MED22: variants seen among roughly 807,000 people sequenced by gnomAD.
The protein encoded by MED22 is mediator complex subunit 22, also known as mediator of RNA polymerase II transcription subunit 22.
MED22 carries 22 observed loss-of-function variants against 22.7 expected under a neutral mutation model. That is an observed-to-expected ratio of 0.97 (90% CI 0.69 to 1.38). The LOEUF is 1.38. MED22 is among the 40% of genes most tolerant of loss of function. MED22 has a pLI of 0.00. For synonymous variants in MED22, 134 were observed against 119.4 expected (o/e 1.12, Z -0.80); for missense variants, 247 against 263.0 (o/e 0.94, Z 0.42).
rs942293048 is a variant in MED22 at position 133,348,082 on chromosome 9, C to T, written c.-199G>A. 1.9e-6 allele frequency: 2 copies of T among 1,026,258 alleles called. No individual in the cohort carries two copies. Among genetic ancestry groups the T allele is most frequent in the Non-Finnish European group, 3.0e-6 (2 of 670,094 alleles). The allele number at this position is 1,026,258 out of a possible 1,614,324, so 63.6% of individuals were successfully genotyped here. On this transcript the variant is annotated 5_prime_UTR_variant, in exon 1 of 5. Transcript: ENST00000343730. ...CCGCGCCGCGGTCCGAAAACCTAGT[C>T]AGCCGCCGCAGCCTCTCGGCCCCGC...
chr9:133,342,354 C>T (rs1260450778), intron 4 of MED22: 9 of 986,126 alleles, frequency 9.1e-6, no homozygotes, highest in Non-Finnish European at 9.6e-6. Flanking sequence ...TTCTAACCTG[C>T]AGGCAGGGGC....
Position 133,339,581 on chromosome 9 carries a change from C to CA in MED22, c.*1923dup. Reference sequence around the variant, plus strand: ...ATACAGCTAGATACCAGAGGATATGCAATCATCATCCATTCTGGTTGTGGT... The same window carrying CA: ...ATACAGCTAGATACCAGAGGATATGCAAATCATCATCCATTCTGGTTGTGGT... On this transcript the variant is annotated 3_prime_UTR_variant, in exon 5 of 5. Coordinates refer to ENST00000343730, the MANE Select transcript of MED22 (RefSeq NM_133640.5). The CA allele has an allele frequency of 2.2e-6, 1 of 459,862 alleles. No homozygotes were observed. Among genetic ancestry groups the CA allele is most frequent in the Non-Finnish European group, 3.9e-6 (1 of 253,754 alleles). The allele number at this position is 459,862 out of a possible 1,614,324, so 28.5% of individuals were successfully genotyped here.
chr9:133,342,404 CCTTG>C, intron 4 of MED22: 1 of 986,078 alleles, frequency 1.0e-6, no homozygotes, highest in Non-Finnish European at 1.2e-6. Flanking sequence ...TGGCTTCCTC[CCTTG>C]CTCCTGCCCT....
intron 4 of MED22, 189 bp downstream of exon 4, chr9:133,343,936 G>A: frequency 6.9e-7 from 1 of 1,444,404 alleles, no homozygotes; most frequent in Non-Finnish European, 9.1e-7. Context: ...AAGGCCCAGG[G>A]CCCTGGCATA....
At chr9:133,341,864 A>G (rs1836016237) in intron 4 of MED22, 170 bp from the exon 5 acceptor site, 3 of 1,390,340 alleles carry the variant, frequency 2.2e-6, no homozygotes, top group East Asian at 3.0e-5. Context: ...CAGGCCTGGC[A>G]AGGAGAGGCG....
At chr9:133,345,523 A>C (rs954587517) in intron 2 of MED22, among the ~76,000 whole-genome samples, 1 of 152,240 alleles carries the variant, frequency 6.6e-6, no homozygotes, top group Non-Finnish European at 1.5e-5. Flanking sequence ...TACTAGGTGC[A>C]GGGATGGGGG....
At chr9:133,346,168 C>T (rs1836173077) in intron 2 of MED22, among the ~76,000 whole-genome samples, 1 of 152,178 alleles carries the variant, frequency 6.6e-6, no homozygotes, top group Admixed American at 6.5e-5. Flanking sequence ...GCTTGCAGGC[C>T]CCAGTGCTGA....
chr9:133,345,550 C>CT (rs1470736871), intron 2 of MED22, among the ~76,000 whole-genome samples: 1 of 152,222 alleles, frequency 6.6e-6, no homozygotes, highest in Non-Finnish European at 1.5e-5. Context: ...TTGGCCCGGT[C>CT]TTTTTGGGCT....
chr9:133,339,266 GCA>G lies in MED22; in HGVS notation c.*2237_*2238del, dbSNP rs1835955990. ...CCAAGAGAATGAATGTGCATATTCA[GCA>G]CACTAAGCACTCTAAGAGCCGAGAG... On this transcript the variant is annotated 3_prime_UTR_variant, in exon 5 of 5. Coordinates refer to ENST00000343730, the MANE Select transcript of MED22 (RefSeq NM_133640.5). 1 of 672,432 alleles carries G rather than the reference GCA, an allele frequency of 1.5e-6. No individual in the cohort carries two copies. Among genetic ancestry groups the G allele is most frequent in the Admixed American group, 1.9e-5 (1 of 52,484 alleles). 41.7% of individuals were successfully genotyped at this position (672,432 alleles called of 1,614,324 possible). A position where few individuals can be genotyped will look rare whatever the true frequency, so the allele number is the denominator to read the frequency against.
chr9:133,344,017 C>T, intron 4 of MED22, 108 bp downstream of exon 4: 1 of 1,540,852 alleles, frequency 6.5e-7, no homozygotes, highest in Non-Finnish European at 8.7e-7. Flanking sequence ...CATGGCTCCA[C>T]TGCTAAGACC....
intron 4 of MED22, chr9:133,342,115 G>A (rs1247694239): frequency 3.9e-6 from 4 of 1,029,330 alleles, no homozygotes; most frequent in Non-Finnish European, 4.7e-6. Context: ...GCTCTCTGAG[G>A]GCAGACTGTG....
At chr9:133,342,381 C>A (rs995297579) in intron 4 of MED22, 1 of 986,140 alleles carries the variant, frequency 1.0e-6, no homozygotes. Flanking sequence ...TTTCCCGCGG[C>A]CTGCCTCGCC....
Position 133,343,966 on chromosome 9 carries a change from G to A in MED22, c.413+159C>T, listed in dbSNP as rs187281880. ...GGCATATGGATGTGAATTGTCTGTC[G>A]GTCAAACGCTCTGGCCAGGAGCTCT... is the stretch of plus-strand genomic sequence containing the variant. On this transcript the variant is annotated intron_variant, in intron 4 of 4. Transcript: ENST00000343730. The A allele has an allele frequency of 4.9e-4, 713 of 1,457,352 alleles. 6 individuals carry two copies. In the South Asian group the frequency reaches 6.8e-3, roughly 14 times the overall value. 90.3% of individuals were successfully genotyped at this position (1,457,352 alleles called of 1,614,324 possible). A position where few individuals can be genotyped will look rare whatever the true frequency, so the allele number is the denominator to read the frequency against.
At chr9:133,345,039 A>G in intron 3 of MED22, 133 bp downstream of exon 3, 2 of 791,686 alleles carry the variant, frequency 2.5e-6, no homozygotes, top group East Asian at 2.6e-5. Context: ...GCATCTCTAC[A>G]TTTGCCTCCT....
chr9:133,342,003 C>A (rs2129951823), intron 4 of MED22: 15 of 1,161,262 alleles, frequency 1.3e-5, no homozygotes, highest in Non-Finnish European at 1.6e-5. Context: ...GCCTATGCCT[C>A]CCAGCTGGTG....
chr9:133,342,935 CGGT>C, intron 4 of MED22: 1 of 985,690 alleles, frequency 1.0e-6, no homozygotes, highest in Non-Finnish European at 1.2e-6. Context: ...CCCTCAGGGA[CGGT>C]GGCTGCCTCA....
At position 133,343,826 on chromosome 9, in the gene MED22, A is replaced by C. The variant is rs2129958107; in HGVS notation, c.413+299T>G. ...CTGCCCGAGGAGGAAGGCTCTCGGA[A>C]GAGGGCCTGCGGGGGATACAGCCAG... On this transcript the variant is annotated intron_variant, in intron 4 of 4. Coordinates refer to ENST00000343730, the MANE Select transcript of MED22 (RefSeq NM_133640.5). 29 of 1,405,156 alleles carry C rather than the reference A, an allele frequency of 2.1e-5. No individual in the cohort carries two copies. The East Asian group carries it at 5.8e-4, about 28-fold the overall frequency. 87.0% of individuals were successfully genotyped at this position (1,405,156 alleles called of 1,614,324 possible).
chr9:133,346,684 G>A lies in MED22; in HGVS notation c.-22C>T. 1 of 1,608,822 alleles carries A rather than the reference G, an allele frequency of 6.2e-7. No individual in the cohort carries two copies. The highest frequency in any genetic ancestry group is 8.5e-7 in the Non-Finnish European group (1 of 1,179,704). On this transcript the variant is annotated 5_prime_UTR_variant, in exon 2 of 5. Coordinates refer to ENST00000343730, the MANE Select transcript of MED22 (RefSeq NM_133640.5). ...CCATGGCCGAGCCTCAAGCAGCGCA[G>A]CGGGGAGACCTGGGACCTAGAGTGC...
chr9:133,344,083 G>T (rs2129959104), intron 4 of MED22, 42 bp downstream of exon 4: 1 of 1,605,048 alleles, frequency 6.2e-7, no homozygotes, highest in South Asian at 1.1e-5. Context: ...GCCCAGGTAG[G>T]CAGGCTCCCG....
Sources: gnomAD v4.1 joint callset for allele counts (sites outside exome capture counted in the v4.1 genomes callset) on GRCh38, gnomAD v4.1.1 for gene constraint, MANE v1.5 for transcripts, NCBI Gene and HGNC (gene_info 2026-07-23, HGNC 2026-07-21) for gene names.